The following ANKIB1 variants were observed in gnomAD, a reference collection of about 807,000 sequenced individuals.
ANKIB1 encodes the protein ankyrin repeat and IBR domain containing 1, also known as ankyrin repeat and IBR domain-containing protein 1.
In ANKIB1, 43 loss-of-function variants were observed where a neutral mutation model predicts 122.1. The observed-to-expected ratio is 0.35, with a 90% CI of 0.28 to 0.45. The LOEUF is 0.45. Among genes scored for constraint, ANKIB1 ranks in the 20% least tolerant of loss-of-function variants. The pLI, the probability that ANKIB1 is intolerant of heterozygous loss-of-function variation, is 1.00. For synonymous variants in ANKIB1, 390 were observed against 442.0 expected (o/e 0.88, Z 1.48); for missense variants, 992 against 1,329.5 (o/e 0.75, Z 3.95).
At position 92,398,332 on chromosome 7, in the gene ANKIB1, T is replaced by G; in HGVS notation, c.2653T>G (p.Leu885Val). 1 of 1,613,678 alleles carries G rather than the reference T, an allele frequency of 6.2e-7. No homozygotes were observed. Among genetic ancestry groups the G allele is most frequent in the South Asian group, 1.1e-5 (1 of 91,010 alleles). The change falls in exon 20 of 20, where the codon TTA becomes GTA. Residue 885 changes from leucine (L) to valine (V), a missense_variant. Physicochemically the swap from Leu to Val is conservative, Grantham distance 32. Transcript: ENST00000265742. The part of the protein sequence containing the change: ...TRDFLSNEAS[L>V]GAIGTSLPSR... ...AGACTTCCTCAGTAATGAAGCATCC[T>G]TAGGTGCGATAGGCACTTCTTTACC...
At chr7:92,302,992 A>G (rs1802486307) in intron 2 of ANKIB1, among the ~76,000 whole-genome samples, 1 of 152,078 alleles carries the variant, frequency 6.6e-6, no homozygotes. Context: ...TGACTGGTGG[A>G]ATAAAAAGAG....
chr7:92,399,037 T>C lies in ANKIB1; in HGVS notation c.*88T>C. ...TTGATAGAGACTTTGATTCACTTAA[T>C]TCCAACTCAGTGATAAACCACTGAC... On this transcript the variant is annotated 3_prime_UTR_variant, in exon 20 of 20. Transcript: ENST00000265742. 7.2e-7 allele frequency: 1 copy of C among 1,395,442 alleles called. No homozygotes were observed. The highest frequency in any genetic ancestry group is 2.5e-5 in the East Asian group (1 of 39,428). The allele number at this position is 1,395,442 out of a possible 1,614,324, so 86.4% of individuals were successfully genotyped here.
chr7:92,312,558 A>G (rs1478295508), intron 3 of ANKIB1, among the ~76,000 whole-genome samples: 2 of 152,176 alleles, frequency 1.3e-5, no homozygotes, highest in African/African-American at 2.4e-5. Context: ...GGACATCACC[A>G]TTTGAATTGC....
In ANKIB1 at chr7:92,398,966, C is replaced by CCTG; in HGVS notation, c.*17_*18insCTG. 1 of 1,527,218 alleles carries CCTG rather than the reference C, an allele frequency of 6.5e-7. No homozygotes were observed. Among genetic ancestry groups the CCTG allele is most frequent in the Non-Finnish European group, 8.8e-7 (1 of 1,137,962 alleles). The allele number at this position is 1,527,218 out of a possible 1,614,324, so 94.6% of individuals were successfully genotyped here. A position where few individuals can be genotyped will look rare whatever the true frequency, so the allele number is the denominator to read the frequency against. ...TTAGTGTGAACTGCACACATCTGGG[C>CCTG]TCTAAATGAATTACAGGTACAGATG... On this transcript the variant is annotated 3_prime_UTR_variant, in exon 20 of 20. Coordinates refer to ENST00000265742, the MANE Select transcript of ANKIB1 (RefSeq NM_019004.2).
chr7:92,395,538 CTT>C (rs35028119), intron 17 of ANKIB1, among the ~76,000 whole-genome samples: 12 of 108,278 alleles, frequency 1.1e-4, no homozygotes, highest in East Asian at 6.1e-4. Context: ...ATCCCAGTCA[CTT>C]TTTTTTTTTT....
intron 3 of ANKIB1, among the ~76,000 whole-genome samples, chr7:92,310,916 A>C (rs1418062246): frequency 6.6e-6 from 1 of 152,198 alleles, no homozygotes; most frequent in Non-Finnish European, 1.5e-5. Context: ...ATACATTAAA[A>C]TATGTGACCT....
chr7:92,387,469 C>T (rs936085696), intron 12 of ANKIB1, among the ~76,000 whole-genome samples: 1 of 151,924 alleles, frequency 6.6e-6, no homozygotes, highest in Non-Finnish European at 1.5e-5. Flanking sequence ...AACCCCATCT[C>T]TACTAAAAAT....
intron 9 of ANKIB1, among the ~76,000 whole-genome samples, chr7:92,356,182 C>G (rs530024976): frequency 6.6e-6 from 1 of 152,134 alleles, no homozygotes; most frequent in Non-Finnish European, 1.5e-5. Flanking sequence ...TTGCATGCAT[C>G]ATCTCCCTCT....
chr7:92,260,682 CAAAA>C (rs767407554), intron 1 of ANKIB1, among the ~76,000 whole-genome samples: 275 of 115,550 alleles, frequency 2.4e-3, no homozygotes, highest in Non-Finnish European at 4.0e-3. Flanking sequence ...GACCCTGTCT[CAAAA>C]AAAAAAAAAA....
chr7:92,298,837 A>T (rs1802406966), intron 2 of ANKIB1, among the ~76,000 whole-genome samples: 1 of 151,756 alleles, frequency 6.6e-6, no homozygotes, highest in East Asian at 1.9e-4. Flanking sequence ...AATTAATTTT[A>T]ATTAATCTCC....
rs368340575 is a variant in ANKIB1, at chr7:92,319,497, A to G, written c.654A>G (p.Ala218=). Reference sequence around the variant, plus strand: ...AAGAAATAGAAGCTGAATATGCTGCATTAGACAAACGAGAGGTCAGTTTAT... The same window carrying G: ...AAGAAATAGAAGCTGAATATGCTGCGTTAGACAAACGAGAGGTCAGTTTAT... ...EAEEIEAEYA[A]LDKREPYEGL... is the part of the protein sequence containing the mutation. Residue 218 remains alanine (A), a synonymous_variant, in exon 4 of 20, where the codon GCA becomes GCG. Transcript: ENST00000265742. 3 of 1,605,992 alleles carry G rather than the reference A, an allele frequency of 1.9e-6. No homozygotes were observed. Among genetic ancestry groups the G allele is most frequent in the East Asian group, 4.5e-5 (2 of 44,854 alleles).
Position 92,344,697 on chromosome 7 carries a change from G to A in ANKIB1, c.997-281G>A, listed in dbSNP as rs76890500. 2.4e-3 allele frequency among the ~76,000 whole-genome samples: 364 copies of A among 152,202 alleles called. No individual in the cohort carries two copies. The Middle Eastern group carries it at 0.027, about 11-fold the overall frequency. ...CCAAATGATTTGTTTCTTGTACTTC[G>A]TTTTCCAAACGCACAGTTGCTGATT... On this transcript the variant is annotated intron_variant, in intron 6 of 19. Coordinates refer to ENST00000265742, the MANE Select transcript of ANKIB1 (RefSeq NM_019004.2).
rs150491413 is a variant in ANKIB1 at position 92,278,611 on chromosome 7, G to A, written c.-90-16278G>A. Among the ~76,000 whole-genome samples, 782 of 152,294 alleles carry A rather than the reference G, an allele frequency of 5.1e-3. 5 individuals are homozygous for A. The highest frequency in any genetic ancestry group is 8.6e-3 in the Non-Finnish European group (587 of 68,016). On this transcript the variant is annotated intron_variant, in intron 1 of 19. Coordinates refer to ENST00000265742, the MANE Select transcript of ANKIB1 (RefSeq NM_019004.2). Reference sequence around the variant, plus strand: ...GACTTTTTATCCCAAAAGGTTGAGTGCAAGAGGGACAAAAGCATTTTCTTA... The same window carrying A: ...GACTTTTTATCCCAAAAGGTTGAGTACAAGAGGGACAAAAGCATTTTCTTA...
intron 1 of ANKIB1, among the ~76,000 whole-genome samples, chr7:92,272,714 A>G: frequency 6.6e-6 from 1 of 152,242 alleles, no homozygotes; most frequent in Middle Eastern, 3.2e-3. Flanking sequence ...ATCTGATGGA[A>G]CATTTTGGAA....
At chr7:92,380,118 C>T (rs1305989039) in intron 11 of ANKIB1, among the ~76,000 whole-genome samples, 1 of 152,194 alleles carries the variant, frequency 6.6e-6, no homozygotes. Flanking sequence ...TCAGCAGGTC[C>T]CACACCCACA....
At chr7:92,357,732 CAAAAAAAA>C (rs961949515) in intron 9 of ANKIB1, among the ~76,000 whole-genome samples, 5 of 75,060 alleles carry the variant, frequency 6.7e-5, no homozygotes, top group African/African-American at 2.0e-4. Context: ...AAGACTCTCT[CAAAAAAAA>C]AAAAAAAAAG....
Position 92,345,513 on chromosome 7 carries a change from C to T in ANKIB1, c.1085+447C>T, listed in dbSNP as rs138051513. 2.9e-3 allele frequency among the ~76,000 whole-genome samples: 441 copies of T among 152,330 alleles called. 4 individuals carry two copies. The highest frequency in any genetic ancestry group is 0.01 in the African/African-American group (419 of 41,580). On this transcript the variant is annotated intron_variant, in intron 7 of 19. Coordinates refer to ENST00000265742, the MANE Select transcript of ANKIB1 (RefSeq NM_019004.2). The stretch of plus-strand genomic sequence containing the variant: ...TTAGTGAATGCAGAGTTAAATGTTT[C>T]AGCGAGACATAGTTGGGTATATTTT...
At chr7:92,271,424 A>T (rs995475440) in intron 1 of ANKIB1, among the ~76,000 whole-genome samples, 3 of 152,118 alleles carry the variant, frequency 2.0e-5, no homozygotes, top group African/African-American at 4.8e-5. Context: ...CTTTTTAAAA[A>T]TTTTTTAGTT....
At chr7:92,257,796 AAAAAT>A (rs914419149) in intron 1 of ANKIB1, among the ~76,000 whole-genome samples, 8 of 152,240 alleles carry the variant, frequency 5.3e-5, no homozygotes, top group East Asian at 1.9e-4. Context: ...CTGTCTCAAA[AAAAAT>A]AAAATAAAAT....
Sources: gnomAD v4.1 joint callset for allele counts (sites outside exome capture counted in the v4.1 genomes callset) on GRCh38, gnomAD v4.1.1 for gene constraint, MANE v1.5 for transcripts, NCBI Gene and HGNC (gene_info 2026-07-23, HGNC 2026-07-21) for gene names.